ZNF208: variants seen among roughly 807,000 people sequenced by gnomAD.
ZNF208 encodes zinc finger protein 208.
A neutral mutation model predicts 12.1 loss-of-function variants in ZNF208; 10 were observed. That is an observed-to-expected ratio of 0.83 (90% CI 0.51 to 1.40). The LOEUF is 1.40. Among genes scored for constraint, ZNF208 ranks in the 40% most tolerant of loss-of-function variants. ZNF208 has a pLI of 0.00. For synonymous variants in ZNF208, 497 were observed against 488.4 expected (o/e 1.02, Z -0.23); for missense variants, 1,652 against 1,485.0 (o/e 1.11, Z -1.85).
Position 21,970,701 on chromosome 19 carries a change from T to C in ZNF208, c.*490A>G, listed in dbSNP as rs759650472. ...ATTCTTCTCATTTGTAGAGTTTCTC[T>C]CCAGCATGAATTTTCTTATGTGTAG... On this transcript the variant is annotated 3_prime_UTR_variant, in exon 4 of 4. Coordinates refer to ENST00000397126, the MANE Select transcript of ZNF208 (RefSeq NM_007153.3). 1.7e-6 allele frequency: 2 copies of C among 1,170,110 alleles called. No homozygotes were observed. Among genetic ancestry groups the C allele is most frequent in the Non-Finnish European group, 2.5e-6 (2 of 788,132 alleles). 72.5% of individuals were successfully genotyped at this position (1,170,110 alleles called of 1,614,324 possible).
chr19:21,952,077 G>C (rs1444420617), intron 4 of ZNF208, among the ~76,000 whole-genome samples: 1 of 152,230 alleles, frequency 6.6e-6, no homozygotes, highest in African/African-American at 2.4e-5. Context: ...AGATGGCAAC[G>C]CAGCAGCCTG....
chr19:21,943,250 A>G (rs1256265921), intron 4 of ZNF208, among the ~76,000 whole-genome samples: 1 of 152,228 alleles, frequency 6.6e-6, no homozygotes, highest in Non-Finnish European at 1.5e-5. Context: ...GTAGTAAAAT[A>G]GAGCTTTTGG....
chr19:21,988,475 T>C (rs1226521419), intron 2 of ZNF208, among the ~76,000 whole-genome samples: 1 of 152,070 alleles, frequency 6.6e-6, no homozygotes. Context: ...CTCCTTGAAG[T>C]TATCTACTGG....
At position 21,968,685 on chromosome 19, in the gene ZNF208, A is replaced by G. The variant is rs895398745; in HGVS notation, c.*2506T>C. Among the ~76,000 whole-genome samples, 9 of 152,080 alleles carry G rather than the reference A, an allele frequency of 5.9e-5. No individual in the cohort carries two copies. Among genetic ancestry groups the G allele is most frequent in the African/African-American group, 1.7e-4 (7 of 41,414 alleles). On this transcript the variant is annotated 3_prime_UTR_variant, in exon 4 of 4. Transcript: ENST00000397126. ...TGCCTTCACTAGATTTTAGTTTCAT[A>G]TATTTCACTGATTTAATATAACAAG... is the stretch of plus-strand genomic sequence containing the variant.
chr19:21,950,359 C>A (rs927284837), intron 4 of ZNF208, among the ~76,000 whole-genome samples: 3 of 152,100 alleles, frequency 2.0e-5, no homozygotes, highest in Admixed American at 6.6e-5. Context: ...CCATAAATTG[C>A]ATTTTAAAAG....
chr19:21,980,378 C>A lies in ZNF208; in HGVS notation c.227-5571G>T, dbSNP rs191729373. 9.6e-4 allele frequency among the ~76,000 whole-genome samples: 146 copies of A among 152,272 alleles called. 2 individuals carry two copies. The highest frequency in any genetic ancestry group is 3.3e-3 in the African/African-American group (137 of 41,548). ...AATCATAACAAACAGTCTCTCAGAG[C>A]ACAGTGCAATCAAATTTGAACTCAG... On this transcript the variant is annotated intron_variant, in intron 3 of 3. Transcript: ENST00000397126.
Position 21,968,892 on chromosome 19 carries a change from TTC to T in ZNF208, c.*2297_*2298del, listed in dbSNP as rs1167960021. On this transcript the variant is annotated 3_prime_UTR_variant, in exon 4 of 4. Coordinates refer to ENST00000397126, the MANE Select transcript of ZNF208 (RefSeq NM_007153.3). The stretch of plus-strand genomic sequence containing the variant: ...TATACATTTTTGCTCTGCTAAAGAC[TTC>T]TGTTATTAGGCCAGGCACTGTGGCT... Among the ~76,000 whole-genome samples, 1 of 152,146 alleles carries T rather than the reference TTC, an allele frequency of 6.6e-6. No homozygotes were observed. Among genetic ancestry groups the T allele is most frequent in the Non-Finnish European group, 1.5e-5 (1 of 68,008 alleles).
chr19:21,957,965 C>G (rs1194633751), intron 4 of ZNF208, among the ~76,000 whole-genome samples: 3 of 151,902 alleles, frequency 2.0e-5, no homozygotes, highest in Admixed American at 1.3e-4. Flanking sequence ...AGGTATATCT[C>G]CTAAAGCTAT....
At chr19:21,991,988 T>A (rs961741339) in intron 1 of ZNF208, among the ~76,000 whole-genome samples, 1 of 152,132 alleles carries the variant, frequency 6.6e-6, no homozygotes, top group Non-Finnish European at 1.5e-5. Flanking sequence ...GACTATTTTG[T>A]CAAATATCCA....
At chr19:21,965,958 G>A (rs2145535438), downstream of ZNF208, 1 of 152,008 alleles carries the variant, frequency 6.6e-6, no homozygotes, top group Middle Eastern at 3.4e-3. Flanking sequence ...TATAGACTAA[G>A]AAATTTCAGG....
chr19:21,975,851 A>AAAAAAAAAAAAAAAAAAAAAAAAAAAG (rs377638519), intron 3 of ZNF208, among the ~76,000 whole-genome samples: 2 of 91,868 alleles, frequency 2.2e-5, no homozygotes, highest in African/African-American at 9.1e-5. Flanking sequence ...AAAAAAAAAA[A>AAAAAAAAAAAAAAAAAAAAAAAAAAAG]GCTATCAAGT....
At chr19:21,954,497 G>A (rs959723571) in intron 4 of ZNF208, among the ~76,000 whole-genome samples, 1 of 152,162 alleles carries the variant, frequency 6.6e-6, no homozygotes, top group Non-Finnish European at 1.5e-5. Context: ...CTAAGGACTT[G>A]CTTTATGAAT....
rs1456874499 is a variant in ZNF208, at chr19:21,946,080, T to C, written c.306-12843A>G. ...GCCTGACATAGAAATGTCTGCTCTT[T>C]GCATAGTCAGTGGGCTCCCAGGAAA... On this transcript the variant is annotated intron_variant, in intron 4 of 4. Coordinates refer to the ZNF208 transcript ENST00000599916. Among the ~76,000 whole-genome samples, 3 of 152,348 alleles carry C rather than the reference T, an allele frequency of 2.0e-5. No homozygotes were observed. The East Asian group carries it at 5.8e-4, about 29-fold the overall frequency.
intron 1 of ZNF208, among the ~76,000 whole-genome samples, chr19:21,999,434 G>C (rs1373942934): frequency 6.6e-6 from 1 of 152,130 alleles, no homozygotes; most frequent in Non-Finnish European, 1.5e-5. Flanking sequence ...AAGTACAACA[G>C]ACTCCACTGT....
At chr19:21,977,348 G>C (rs1970450908) in intron 3 of ZNF208, among the ~76,000 whole-genome samples, 1 of 152,232 alleles carries the variant, frequency 6.6e-6, no homozygotes, top group Admixed American at 6.5e-5. Flanking sequence ...CAGAAGGTGG[G>C]TGATTTCTGC....
rs1015407495 is a variant in ZNF208 at position 21,971,122 on chromosome 19, A to G, written c.*69T>C. 4.3e-6 allele frequency: 7 copies of G among 1,613,116 alleles called. No individual in the cohort carries two copies. The highest frequency in any genetic ancestry group is 5.9e-6 in the Non-Finnish European group (7 of 1,179,696). On this transcript the variant is annotated 3_prime_UTR_variant, in exon 4 of 4. Coordinates refer to ENST00000397126, the MANE Select transcript of ZNF208 (RefSeq NM_007153.3). ...CTTCACATTTGTAGGGTTTCTCTCC[A>G]GTATGAATTTTCTTATGATAACTAA...
intron 4 of ZNF208, among the ~76,000 whole-genome samples, chr19:21,950,658 TA>T (rs34680702): frequency 4.6e-5 from 7 of 152,018 alleles, no homozygotes; most frequent in Non-Finnish European, 1.0e-4. Context: ...CACACCCAGC[TA>T]ATTTTTTTTA....
chr19:21,947,331 T>C (rs1012094042), intron 4 of ZNF208, among the ~76,000 whole-genome samples: 7 of 152,242 alleles, frequency 4.6e-5, no homozygotes, highest in Admixed American at 3.3e-4. Context: ...ACAGTTCCTT[T>C]ATGAGACAAG....
intron 4 of ZNF208, among the ~76,000 whole-genome samples, chr19:21,949,524 T>G (rs1969860948): frequency 6.6e-6 from 1 of 152,152 alleles, no homozygotes; most frequent in South Asian, 2.1e-4. Context: ...ATAGCCAATC[T>G]TTTATACCAC....
Sources: allele counts gnomAD v4.1 joint callset (sites outside exome capture counted in the v4.1 genomes callset), GRCh38; gene constraint gnomAD v4.1.1; transcripts MANE v1.5; gene names NCBI Gene and HGNC (gene_info 2026-07-23, HGNC 2026-07-21).